The following COL1A2 variants were observed in gnomAD, a reference collection of about 807,000 sequenced individuals.
COL1A2 encodes the protein collagen alpha-2(I) chain.
A neutral mutation model predicts 174.3 loss-of-function variants in COL1A2; 49 were observed. The observed-to-expected ratio is 0.28, with a 90% CI of 0.22 to 0.36. COL1A2 has a LOEUF of 0.36. Among genes scored for constraint, COL1A2 ranks in the 10% least tolerant of loss-of-function variants. The pLI is 1.00. For missense variants in COL1A2, 1,438 were observed against 1,822.7 expected (o/e 0.79, Z 3.84); for synonymous variants, 655 against 606.6 (o/e 1.08, Z -1.17).
chr7:94,412,475 A>G, intron 24 of COL1A2, 109 bp from the exon 25 acceptor site: 1 of 824,594 alleles, frequency 1.2e-6, no homozygotes, highest in Non-Finnish European at 2.0e-6. Context: ...TTATACAAGA[A>G]GCTCTATGCA....
rs1388254573 is a variant in COL1A2, at chr7:94,408,196, T to G, written c.653T>G (p.Leu218Arg). The G allele has an allele frequency of 6.2e-7, 1 of 1,614,098 alleles. No individual in the cohort carries two copies. The highest frequency in any genetic ancestry group is 1.7e-5 in the Admixed American group (1 of 60,012). The part of the protein sequence containing the change: ...GTPGQTGARG[L>R]PGERGRVGAP... ...TTCTGCTTCTAGGGAGCCCGTGGGC[T>G]TCCTGGTGAGAGAGGACGTGTTGGT... Residue 218 changes from leucine (L) to arginine (R), a missense_variant, in exon 14 of 52, where the codon CTT (leucine) becomes CGT (arginine). Around this residue, in one of 3 missense-constraint regions of COL1A2, gnomAD observed 281 missense variants for 310.9 expected, o/e 0.90. Transcript: ENST00000297268.
At position 94,430,424 on chromosome 7, in the gene COL1A2, A is replaced by G. The variant is rs1439588589; in HGVS notation, c.*31A>G. On this transcript the variant is annotated 3_prime_UTR_variant, in exon 52 of 52. Coordinates refer to ENST00000297268, the MANE Select transcript of COL1A2 (RefSeq NM_000089.4). ...CTCAATCTAAATTAAAAAAGAAAGA[A>G]ATTTGAAAAAACTTTCTCTTTGCCA... The G allele has an allele frequency of 1.9e-6, 3 of 1,606,364 alleles. No individual in the cohort carries two copies. Among genetic ancestry groups the G allele is most frequent in the Non-Finnish European group, 1.7e-6 (2 of 1,176,786 alleles).
rs1331581310 is a variant in COL1A2 at position 94,419,543 on chromosome 7, G to C, written c.2071G>C (p.Gly691Arg). ...VGAPGPAGAT[G>R]DRGEAGAAGP... ...TGCCCCTGGTCCTGCTGGAGCCACA[G>C]GTGACCGGGTAAGCATGCATTTTCA... The change falls in exon 34 of 52, where the codon GGT (glycine) becomes CGT (arginine). Residue 691 changes from glycine to arginine, a missense_variant. Gly to Arg is a moderately radical substitution (Grantham distance 125). Transcript: ENST00000297268. 6.2e-7 allele frequency: 1 copy of C among 1,614,052 alleles called. No homozygotes were observed. Among genetic ancestry groups the C allele is most frequent in the Non-Finnish European group, 8.5e-7 (1 of 1,179,992 alleles).
Position 94,400,295 on chromosome 7 carries a change from T to A in COL1A2, c.225+7T>A, listed in dbSNP as rs1429859218. 6 of 1,609,196 alleles carry A rather than the reference T, an allele frequency of 3.7e-6. No individual in the cohort carries two copies. Among genetic ancestry groups the A allele is most frequent in the Non-Finnish European group, 4.2e-6 (5 of 1,177,492 alleles). ...CCCCCCTGGTCTCGGTGGGGTAAGGTGTCTTACGTATTGCTAACTTTTAGC... is the reference window on the plus strand; with the variant it reads ...CCCCCCTGGTCTCGGTGGGGTAAGGAGTCTTACGTATTGCTAACTTTTAGC... On this transcript the variant is annotated splice_region_variant and intron_variant, in intron 5 of 51. Coordinates refer to ENST00000297268, the MANE Select transcript of COL1A2 (RefSeq NM_000089.4).
At chr7:94,414,389 T>C (rs575765410) in intron 29 of COL1A2, 114 bp downstream of exon 29, 2 of 956,364 alleles carry the variant, frequency 2.1e-6, no homozygotes, top group East Asian at 2.6e-5. Context: ...GTATTTCATA[T>C]GTTAATGATA....
At chr7:94,395,395 C>T in intron 1 of COL1A2, 1 of 412,626 alleles carries the variant, frequency 2.4e-6, no homozygotes, top group East Asian at 5.8e-5. Flanking sequence ...AGGTCTTTTT[C>T]CCTAAGGATG....
At chr7:94,422,874 C>T in intron 39 of COL1A2, 83 bp from the exon 40 acceptor site, 1 of 1,508,366 alleles carries the variant, frequency 6.6e-7, no homozygotes, top group Non-Finnish European at 9.2e-7. Context: ...TTGTTTGCAT[C>T]TTAAGATCTA....
intron 45 of COL1A2, among the ~76,000 whole-genome samples, 159 bp from the exon 46 acceptor site, chr7:94,426,264 A>T (rs1391651445): frequency 1.3e-5 from 2 of 152,240 alleles, no homozygotes; most frequent in Non-Finnish European, 2.9e-5. Flanking sequence ...CACTTTACAG[A>T]TAGCACAACT....
chr7:94,420,183 G>A (rs1444417517), intron 34 of COL1A2, 50 bp from the exon 35 acceptor site: 2 of 1,610,950 alleles, frequency 1.2e-6, no homozygotes, highest in Non-Finnish European at 1.7e-6. Context: ...CCAGTTCTTT[G>A]AGCATCTATG....
intron 6 of COL1A2, among the ~76,000 whole-genome samples, chr7:94,403,283 G>A (rs1487431224): frequency 6.6e-6 from 1 of 152,142 alleles, no homozygotes; most frequent in Non-Finnish European, 1.5e-5. Context: ...CCACACACAT[G>A]CACAGACATA....
At chr7:94,421,343 C>T (rs760840461) in intron 38 of COL1A2, 38 of 505,540 alleles carry the variant, frequency 7.5e-5, no homozygotes, top group Non-Finnish European at 1.2e-4. Flanking sequence ...TATTAATATG[C>T]CCCTTCTTCT....
At chr7:94,402,067 C>G (rs1358266040) in intron 6 of COL1A2, among the ~76,000 whole-genome samples, 1 of 152,122 alleles carries the variant, frequency 6.6e-6, no homozygotes, top group African/African-American at 2.4e-5. Context: ...TCAACAAGTT[C>G]TATCTAGTCC....
chr7:94,422,675 C>T (rs1792191910), intron 39 of COL1A2: 2 of 437,018 alleles, frequency 4.6e-6, no homozygotes, highest in African/African-American at 2.0e-5. Flanking sequence ...GTTCTGATTC[C>T]AATATGCCAG....
At chr7:94,420,911 T>G in intron 37 of COL1A2, 98 bp from the exon 38 acceptor site, 1 of 1,227,752 alleles carries the variant, frequency 8.1e-7, no homozygotes, top group East Asian at 2.3e-5. Flanking sequence ...ATTTCTATAT[T>G]TTCTTCTAAG....
chr7:94,402,476 C>G (rs764506790), intron 6 of COL1A2, among the ~76,000 whole-genome samples: 13 of 151,774 alleles, frequency 8.6e-5, no homozygotes, highest in Non-Finnish European at 1.9e-4. Flanking sequence ...AGCACCATAC[C>G]CTATCAGTGG....
At chr7:94,415,086 T>C in intron 29 of COL1A2, 140 bp from the exon 30 acceptor site, 1 of 749,388 alleles carries the variant, frequency 1.3e-6, no homozygotes, top group South Asian at 1.5e-5. Context: ...AAAGTTGTTC[T>C]TATTAGCCTG....
chr7:94,395,781 G>C (rs1791571467), intron 1 of COL1A2, among the ~76,000 whole-genome samples: 1 of 152,154 alleles, frequency 6.6e-6, no homozygotes, highest in South Asian at 2.1e-4. Context: ...AAAGAAGAAT[G>C]GATGCTACTT....
intron 28 of COL1A2, 72 bp from the exon 29 acceptor site, chr7:94,414,150 C>T (rs1791989151): frequency 1.3e-6 from 2 of 1,543,676 alleles, no homozygotes; most frequent in South Asian, 1.1e-5. Flanking sequence ...GCCACCACCC[C>T]CAAACTCAAT....
rs1792355042 is a variant in COL1A2, at chr7:94,429,423, G to A, written c.3947G>A (p.Gly1316Asp). ...TTCACTTACACTGTTCTTGTAGATG[G>A]CTGCTCTGTAAGTAATAGTGAAATA... is the stretch of plus-strand genomic sequence containing the variant. ...SRFTYTVLVD[G>D]CSKKTNEWGK... The change falls in exon 51 of 52, where the codon GGC (glycine) becomes GAC (aspartate). Residue 1316 changes from glycine to aspartate, a missense_variant. Transcript: ENST00000297268. 1 of 1,613,850 alleles carries A rather than the reference G, an allele frequency of 6.2e-7. No individual in the cohort carries two copies. Among genetic ancestry groups the A allele is most frequent in the Non-Finnish European group, 8.5e-7 (1 of 1,179,984 alleles).
Sources: gnomAD v4.1 joint callset for allele counts (sites outside exome capture counted in the v4.1 genomes callset) on GRCh38, gnomAD v4.1.1 for gene constraint, gnomAD v4.1.1 regional missense constraint, MANE v1.5 for transcripts, NCBI Gene and HGNC (gene_info 2026-07-23, HGNC 2026-07-21) for gene names.